Variants in EXOC2 observed in about 807,000 individuals in gnomAD.
The protein encoded by EXOC2 is SEC5-like 1.
Under a neutral mutation model 131.8 loss-of-function variants are expected in EXOC2, and 70 were observed. The observed-to-expected ratio is 0.53, with a 90% confidence interval of 0.44 to 0.65. EXOC2 has a LOEUF of 0.65. Among genes scored for constraint, EXOC2 ranks in the 30% least tolerant of loss-of-function variants. The pLI, the probability that EXOC2 is intolerant of heterozygous loss-of-function variation, is 0.00. For missense variants in EXOC2, 923 were observed against 1,108.6 expected (o/e 0.83, Z 2.38); for synonymous variants, 411 against 398.4 (o/e 1.03, Z -0.38).
At chr6:650,237 T>A (rs1484868559) in intron 1 of EXOC2, among the ~76,000 whole-genome samples, 4 of 152,346 alleles carry the variant, frequency 2.6e-5, no homozygotes, top group South Asian at 2.1e-4. Context: ...GGTTCTAAAC[T>A]GAGTTCTGGC....
chr6:581,835 A>G lies in EXOC2; in HGVS notation c.1193-4953T>C, dbSNP rs999297644. Among the ~76,000 whole-genome samples, 3 of 152,210 alleles carry G rather than the reference A, an allele frequency of 2.0e-5. No individual in the cohort carries two copies. In the South Asian group the frequency reaches 6.2e-4, roughly 31 times the overall value. On this transcript the variant is annotated intron_variant, in intron 11 of 27. Transcript: ENST00000230449. ...GTTAGTATTTTATTTTTCCAGTTAA[A>G]TACTGCTTCTATAACATATGCTTGC...
At chr6:664,362 A>G (rs1156312794) in intron 1 of EXOC2, among the ~76,000 whole-genome samples, 1 of 152,184 alleles carries the variant, frequency 6.6e-6, no homozygotes, top group Non-Finnish European at 1.5e-5. Flanking sequence ...TGTGAAAATG[A>G]CCATACTGTC....
chr6:606,322 C>T (rs1367003362), intron 7 of EXOC2, among the ~76,000 whole-genome samples: 3 of 151,896 alleles, frequency 2.0e-5, no homozygotes, highest in East Asian at 1.9e-4. Flanking sequence ...ATGTAAATGA[C>T]GAGTTAATGG....
rs70982900 is a variant in EXOC2, at chr6:507,216, CCACACACA to C, written c.2381-7524_2381-7517del. ...CCCCCACACACACACACAGCAGTGACCACACACACACACACACACAGCAGTGACCCCCC... is the reference window on the plus strand; with the variant it reads ...CCCCCACACACACACACAGCAGTGACCACACACACACAGCAGTGACCCCCC... On this transcript the variant is annotated intron_variant, in intron 23 of 27. Transcript: ENST00000230449. 1.6e-4 allele frequency among the ~76,000 whole-genome samples: 4 copies of C among 25,796 alleles called. No individual in the cohort carries two copies. The Admixed American group carries it at 2.0e-3, about 13-fold the overall frequency. 16.9% of individuals were successfully genotyped at this position (25,796 alleles called of 152,430 possible).
intron 25 of EXOC2, among the ~76,000 whole-genome samples, chr6:495,194 C>T (rs866511335): frequency 2.2e-4 from 32 of 146,146 alleles, no homozygotes; most frequent in South Asian, 1.1e-3. Flanking sequence ...GGTGCGATCT[C>T]GGCTCACTGC....
At chr6:633,424 C>T (rs554096842) in intron 2 of EXOC2, among the ~76,000 whole-genome samples, 1 of 152,172 alleles carries the variant, frequency 6.6e-6, no homozygotes, top group Non-Finnish European at 1.5e-5. Context: ...TCTTAAAATG[C>T]TTTCAGAGGT....
At chr6:512,701 G>A (rs1231979678) in intron 23 of EXOC2, among the ~76,000 whole-genome samples, 1 of 152,132 alleles carries the variant, frequency 6.6e-6, no homozygotes, top group Non-Finnish European at 1.5e-5. Flanking sequence ...CCCATGCCCT[G>A]TACATGTTTC....
intron 24 of EXOC2, among the ~76,000 whole-genome samples, chr6:497,834 A>AG (rs1763831137): frequency 6.6e-6 from 1 of 152,224 alleles, no homozygotes; most frequent in Non-Finnish European, 1.5e-5. Context: ...ATAAGAACAT[A>AG]CTGGGTCAAT....
At chr6:507,934 A>T (rs973759183) in intron 23 of EXOC2, among the ~76,000 whole-genome samples, 2 of 152,356 alleles carry the variant, frequency 1.3e-5, no homozygotes, top group South Asian at 2.1e-4. Context: ...GAGTAATTAA[A>T]TGCTCATTGT....
At chr6:578,229 A>C in intron 11 of EXOC2, among the ~76,000 whole-genome samples, 1 of 152,232 alleles carries the variant, frequency 6.6e-6, no homozygotes, top group Non-Finnish European at 1.5e-5. Flanking sequence ...AATATAAAAC[A>C]TATTTCCAAA....
intron 23 of EXOC2, among the ~76,000 whole-genome samples, chr6:507,599 C>T (rs1764638874): frequency 6.6e-6 from 1 of 152,084 alleles, no homozygotes; most frequent in Non-Finnish European, 1.5e-5. Context: ...AAAAAATGAT[C>T]CCCTTTGCAT....
At chr6:603,613 CTT>C (rs112842795) in intron 7 of EXOC2, among the ~76,000 whole-genome samples, 1 of 147,852 alleles carries the variant, frequency 6.8e-6, no homozygotes. Context: ...CTATCTTCTT[CTT>C]TTTTTTTTTG....
intron 13 of EXOC2, among the ~76,000 whole-genome samples, chr6:571,214 G>A (rs192302668): frequency 4.9e-4 from 75 of 152,306 alleles, no homozygotes; most frequent in African/African-American, 1.8e-3. Context: ...AGAAAGTTGT[G>A]TATTGCTTTA....
chr6:551,127 C>G (rs777120778), intron 21 of EXOC2, among the ~76,000 whole-genome samples: 2 of 152,194 alleles, frequency 1.3e-5, no homozygotes, highest in Non-Finnish European at 2.9e-5. Context: ...AAGATGGAGA[C>G]GCACGTTTGA....
chr6:615,192 T>G (rs201106104), intron 6 of EXOC2, among the ~76,000 whole-genome samples: 13,512 of 150,430 alleles, frequency 0.09, 1,020 homozygotes, highest in African/African-American at 0.21. Flanking sequence ...GGTGTGTGTG[T>G]GTGTGTGTGT....
intron 21 of EXOC2, among the ~76,000 whole-genome samples, chr6:551,438 A>G (rs562057550): frequency 1.3e-5 from 2 of 152,368 alleles, no homozygotes; most frequent in South Asian, 2.1e-4. Flanking sequence ...CTAAGGCAGG[A>G]GAGAGGAGGC....
At chr6:595,481 T>G (rs1021053365) in intron 10 of EXOC2, among the ~76,000 whole-genome samples, 2 of 152,102 alleles carry the variant, frequency 1.3e-5, no homozygotes, top group Non-Finnish European at 2.9e-5. Flanking sequence ...TATTGTTGAC[T>G]TGTTTATATT....
intron 23 of EXOC2, among the ~76,000 whole-genome samples, chr6:515,706 A>G (rs1386626867): frequency 4.0e-5 from 6 of 149,814 alleles, no homozygotes; most frequent in African/African-American, 1.5e-4. Context: ...TCATACAACG[A>G]TTTCCAACAA....
intron 1 of EXOC2, among the ~76,000 whole-genome samples, chr6:687,168 A>ATTATTTTT (rs1292769233): frequency 9.8e-5 from 4 of 40,702 alleles, no homozygotes; most frequent in African/African-American, 1.4e-4. Flanking sequence ...ATCAAATAAT[A>ATTATTTTT]TTCTTTTTTT....
Sources: gnomAD v4.1 joint callset for allele counts (sites outside exome capture counted in the v4.1 genomes callset) on GRCh38, gnomAD v4.1.1 for gene constraint, MANE v1.5 for transcripts, NCBI Gene and HGNC (gene_info 2026-07-23, HGNC 2026-07-21) for gene names.